The following PCM1 variants were observed in gnomAD, a reference collection of about 807,000 sequenced individuals.
PCM1 encodes the protein pericentriolar material 1.
A neutral mutation model predicts 241.9 loss-of-function variants in PCM1; 157 were observed. The ratio of observed to expected loss-of-function variants is 0.65; its 90% CI spans 0.57 to 0.74. The LOEUF is 0.74. Ranked by LOEUF, PCM1 falls within the 30% of genes least tolerant of loss-of-function variation. The pLI is 0.00. For synonymous variants in PCM1, 1,085 were observed against 784.9 expected (o/e 1.38, Z -6.39); for missense variants, 3,478 against 2,360.1 (o/e 1.47, Z -9.81).
intron 7 of PCM1, among the ~76,000 whole-genome samples, chr8:17,947,919 A>T (rs2129456134): frequency 6.6e-6 from 1 of 152,294 alleles, no homozygotes; most frequent in East Asian, 1.9e-4. Flanking sequence ...TCCTTTCCTC[A>T]TAGCCATGTG....
At chr8:17,997,319 T>C (rs2087241567) in intron 29 of PCM1, among the ~76,000 whole-genome samples, 1 of 152,144 alleles carries the variant, frequency 6.6e-6, no homozygotes, top group Non-Finnish European at 1.5e-5. Context: ...TTAGGGTCCT[T>C]TCTTTATCCT....
chr8:17,947,059 C>G lies in PCM1; in HGVS notation c.784-127C>G, dbSNP rs910138904. ...TCTTACTCTTTTTTCTTGATGTCTA[C>G]TAAAACTATATTTAGGGTTGTATAT... is the stretch of plus-strand genomic sequence containing the variant. On this transcript the variant is annotated intron_variant, in intron 6 of 38. Transcript: ENST00000325083. 1.8e-5 allele frequency: 10 copies of G among 559,958 alleles called. No homozygotes were observed. In the African/African-American group the frequency reaches 1.9e-4, roughly 11 times the overall value. The allele number at this position is 559,958 out of a possible 1,614,324, so 34.7% of individuals were successfully genotyped here. A position where few individuals can be genotyped will look rare whatever the true frequency, so the allele number is the denominator to read the frequency against.
At chr8:18,009,136 A>C (rs1188505072) in intron 30 of PCM1, among the ~76,000 whole-genome samples, 1 of 151,992 alleles carries the variant, frequency 6.6e-6, no homozygotes, top group African/African-American at 2.4e-5. Flanking sequence ...GTCTTAAGTA[A>C]AGGTGGAAGC....
chr8:17,982,051 C>T (rs1024986147), intron 24 of PCM1, among the ~76,000 whole-genome samples: 2 of 152,086 alleles, frequency 1.3e-5, no homozygotes, highest in East Asian at 3.9e-4. Flanking sequence ...TCATAATGAG[C>T]ATTTATCATT....
rs779033916 is a variant in PCM1, at chr8:17,960,391, A to C, written c.2269A>C (p.Ile757Leu). 32 of 1,608,076 alleles carry C rather than the reference A, an allele frequency of 2.0e-5. No individual in the cohort carries two copies. The East Asian group carries it at 6.0e-4, about 30-fold the overall frequency. ...ATTGCAGGAAGAAAGAAAGAAACTGATTGACATTCAGGAGAAAATTCAAGC... is the reference window on the plus strand; with the variant it reads ...ATTGCAGGAAGAAAGAAAGAAACTGCTTGACATTCAGGAGAAAATTCAAGC... ...KQLQEERKKL[I>L]DIQEKIQALQ... The change falls in exon 15 of 39, where the codon ATT (isoleucine) becomes CTT (leucine). Residue 757 changes from isoleucine (I) to leucine (L), a missense_variant. Physicochemically the swap from Ile to Leu is conservative, Grantham distance 5. Coordinates refer to ENST00000325083, the MANE Select transcript of PCM1 (RefSeq NM_006197.4).
rs1323616834 is a variant in PCM1, at chr8:17,992,117, T to C, written c.4690+417T>C. On this transcript the variant is annotated intron_variant, in intron 28 of 38. Transcript: ENST00000325083. ...CTGTCTATCTACACATATATACATA[T>C]ACCACATTTTCTTTATCCGCTCGTT... 2.7e-4 allele frequency among the ~76,000 whole-genome samples: 41 copies of C among 152,252 alleles called. 1 individual carries two copies. Among genetic ancestry groups the C allele is most frequent in the Admixed American group, 2.6e-3 (40 of 15,286 alleles).
At chr8:17,960,541 T>TTTTTTTTTTTTC (rs1448655035) in intron 15 of PCM1, 97 bp downstream of exon 15, 1 of 954,988 alleles carries the variant, frequency 1.0e-6, no homozygotes, top group East Asian at 2.7e-5. Flanking sequence ...TTCTTTTTTT[T>TTTTTTTTTTTTC]TGAGGCAGAG....
intron 8 of PCM1, among the ~76,000 whole-genome samples, chr8:17,952,147 C>T (rs1470999452): frequency 6.6e-6 from 1 of 151,918 alleles, no homozygotes; most frequent in Non-Finnish European, 1.5e-5. Context: ...CGCTTGAACC[C>T]AGGAGGCGGA....
chr8:17,982,962 G>GGTTCACCTT (rs1005662147), intron 24 of PCM1, among the ~76,000 whole-genome samples: 3 of 152,170 alleles, frequency 2.0e-5, no homozygotes, highest in African/African-American at 7.2e-5. Context: ...TGTTGTGGGA[G>GGTTCACCTT]GTTCACCTTG....
chr8:18,015,596 C>G (rs901858572), intron 36 of PCM1: 12 of 152,106 alleles, frequency 7.9e-5, no homozygotes, highest in Non-Finnish European at 1.3e-4. Flanking sequence ...AAATACTTGC[C>G]TCTGATATTT....
At chr8:17,967,454 A>G (rs1277746659) in intron 21 of PCM1, among the ~76,000 whole-genome samples, 2 of 152,046 alleles carry the variant, frequency 1.3e-5, no homozygotes, top group Non-Finnish European at 2.9e-5. Context: ...GATTACAGGC[A>G]TGTGCCACCG....
chr8:17,961,552 C>G (rs983427075), intron 15 of PCM1, among the ~76,000 whole-genome samples: 1 of 152,092 alleles, frequency 6.6e-6, no homozygotes, highest in Non-Finnish European at 1.5e-5. Flanking sequence ...CCGTCGTGAT[C>G]CGCCCGCCTC....
intron 15 of PCM1, among the ~76,000 whole-genome samples, 153 bp from the exon 16 acceptor site, chr8:17,961,881 T>G (rs765173418): frequency 3.9e-5 from 6 of 152,222 alleles, no homozygotes; most frequent in Non-Finnish European, 8.8e-5. Flanking sequence ...TTTTCTTATT[T>G]CATGTTATCT....
chr8:18,006,954 T>TG (rs1291949303), intron 30 of PCM1, among the ~76,000 whole-genome samples: 9 of 152,194 alleles, frequency 5.9e-5, no homozygotes, highest in East Asian at 1.9e-4. Context: ...TGGCAACTAA[T>TG]GGGTAGAGAC....
chr8:17,997,958 C>T (rs993754509), intron 29 of PCM1, among the ~76,000 whole-genome samples: 3 of 151,468 alleles, frequency 2.0e-5, no homozygotes, highest in Non-Finnish European at 2.9e-5. Flanking sequence ...ATCGCTTGAA[C>T]CCGGGAGGCG....
chr8:17,946,832 A>AGTGTGTGTGTGTGTGTGT (rs368892136), intron 6 of PCM1, among the ~76,000 whole-genome samples: 2 of 138,296 alleles, frequency 1.4e-5, no homozygotes, highest in African/African-American at 5.3e-5. Context: ...TAGATTCTTC[A>AGTGTGTGTGTGTGTGTGT]GTGTGTGTGT....
chr8:17,959,412 C>T (rs2070521913), intron 13 of PCM1, among the ~76,000 whole-genome samples: 1 of 151,904 alleles, frequency 6.6e-6, no homozygotes, highest in South Asian at 2.1e-4. Context: ...TAATAGCATC[C>T]AGTTACTATA....
chr8:18,011,949 C>A, intron 34 of PCM1, 122 bp downstream of exon 34: 2 of 851,436 alleles, frequency 2.3e-6, no homozygotes, highest in African/African-American at 1.7e-5. Context: ...TGAATGCAAG[C>A]CTCATTAATA....
At chr8:17,955,282 C>G (rs1400983485) in intron 9 of PCM1, among the ~76,000 whole-genome samples, 188 bp from the exon 10 acceptor site, 2 of 152,060 alleles carry the variant, frequency 1.3e-5, no homozygotes, top group African/African-American at 2.4e-5. Context: ...AAGAGGTAAA[C>G]AAGTCTTTGT....
Sources: gnomAD v4.1 joint callset for allele counts (sites outside exome capture counted in the v4.1 genomes callset) on GRCh38, gnomAD v4.1.1 for gene constraint, MANE v1.5 for transcripts, NCBI Gene and HGNC (gene_info 2026-07-23, HGNC 2026-07-21) for gene names.